MBNL2: variants seen among roughly 807,000 people sequenced by gnomAD.
MBNL2 encodes muscleblind-like protein 2.
In MBNL2, 17 loss-of-function variants were observed where a neutral mutation model predicts 41.9. The observed-to-expected ratio is 0.41, with a 90% confidence interval of 0.28 to 0.61. The LOEUF (loss-of-function observed/expected upper bound fraction) is 0.61, where lower values mean the gene tolerates loss of function less well. Among genes scored for constraint, MBNL2 ranks in the 20% least tolerant of loss-of-function variants. The pLI is 0.35. For synonymous variants in MBNL2, 195 were observed against 182.9 expected, an observed-to-expected ratio of 1.07 and a Z score of -0.53; for missense variants, 336 against 505.6, an observed-to-expected ratio of 0.66 and a Z score of 3.22.
the MBNL2 span, among the ~76,000 whole-genome samples, chr13:97,174,791 C>T: frequency 6.6e-6 from 1 of 152,008 alleles, no homozygotes; most frequent in South Asian, 2.1e-4. Flanking sequence ...CAGAGACTCT[C>T]TAGACTCTGG....
intron 3 of MBNL2, among the ~76,000 whole-genome samples, chr13:97,342,561 T>G (rs1480844345): frequency 2.0e-5 from 3 of 152,196 alleles, no homozygotes; most frequent in African/African-American, 7.2e-5. Flanking sequence ...GTAACCCCAC[T>G]GTTTGAGAAT....
At chr13:97,377,704 G>A (rs549673976) in intron 8 of MBNL2, among the ~76,000 whole-genome samples, 13 of 152,200 alleles carry the variant, frequency 8.5e-5, no homozygotes, top group Non-Finnish European at 1.8e-4. Flanking sequence ...GATTCCTATT[G>A]TTCATATTCT....
the MBNL2 span, among the ~76,000 whole-genome samples, chr13:97,167,568 G>GTAAAATAA: frequency 2.0e-5 from 3 of 151,958 alleles, no homozygotes; most frequent in Admixed American, 2.0e-4. Flanking sequence ...CCTCAAATTG[G>GTAAAATAA]ACTTATCCAT....
At chr13:97,176,875 G>A in the MBNL2 span, among the ~76,000 whole-genome samples, 3 of 151,930 alleles carry the variant, frequency 2.0e-5, no homozygotes, top group Non-Finnish European at 4.4e-5. Context: ...ACCAAACAAC[G>A]TTTTTAGTCT....
At chr13:97,242,930 ACTGAGCAGGG>A (rs1356104597) in intron 1 of MBNL2, among the ~76,000 whole-genome samples, 3 of 152,188 alleles carry the variant, frequency 2.0e-5, no homozygotes, top group Non-Finnish European at 4.4e-5. Flanking sequence ...ATGAAAGCCG[ACTGAGCAGGG>A]CTCCGCACGC....
the MBNL2 span, among the ~76,000 whole-genome samples, chr13:97,157,417 A>G: frequency 7.4e-6 from 1 of 134,644 alleles, no homozygotes; most frequent in Non-Finnish European, 1.6e-5. Context: ...CCTGGCCAGA[A>G]CTTCCAACAC....
intron 2 of MBNL2, among the ~76,000 whole-genome samples, chr13:97,330,322 G>T (rs1221494793): frequency 6.6e-6 from 1 of 152,106 alleles, no homozygotes; most frequent in Non-Finnish European, 1.5e-5. Context: ...GAGGCTCCTA[G>T]CTCCCAGTTC....
chr13:97,376,938 A>C (rs2065016741), intron 8 of MBNL2, among the ~76,000 whole-genome samples: 1 of 152,178 alleles, frequency 6.6e-6, no homozygotes, highest in Admixed American at 6.5e-5. Context: ...GGACCTGATC[A>C]CCCATGTCCT....
intron 2 of MBNL2, among the ~76,000 whole-genome samples, chr13:97,309,707 G>A (rs2058417629): frequency 6.6e-6 from 1 of 152,224 alleles, no homozygotes; most frequent in African/African-American, 2.4e-5. Flanking sequence ...GCCTCTCAGA[G>A]GATGGTAGCA....
the MBNL2 span, among the ~76,000 whole-genome samples, chr13:97,184,094 A>G: frequency 6.6e-6 from 1 of 152,224 alleles, no homozygotes; most frequent in African/African-American, 2.4e-5. Context: ...AAAAATGAGG[A>G]AACTGAGGTT....
the MBNL2 span, among the ~76,000 whole-genome samples, chr13:97,209,995 C>T: frequency 3.7e-3 from 556 of 152,218 alleles, 3 homozygotes; most frequent in African/African-American, 0.013. Flanking sequence ...GGGGTTTCAC[C>T]GTATTGGCCA....
the MBNL2 span, among the ~76,000 whole-genome samples, chr13:97,156,826 T>G: frequency 1.3e-5 from 2 of 152,268 alleles, no homozygotes; most frequent in East Asian, 1.9e-4. Context: ...AAATCAGGTA[T>G]TGTGATGCCT....
chr13:97,322,267 C>T (rs1245317674), intron 2 of MBNL2, among the ~76,000 whole-genome samples: 1 of 152,174 alleles, frequency 6.6e-6, no homozygotes, highest in African/African-American at 2.4e-5. Context: ...CCATGCCCTC[C>T]ATCTTCCCAG....
In MBNL2 at chr13:97,392,355, G is replaced by T. The variant is rs2066406093; in HGVS notation, c.*906G>T. On this transcript the variant is annotated 3_prime_UTR_variant, in exon 9 of 9. Transcript: ENST00000679496. ...GTTTGAGTTTAGTCACTGCAAATTT[G>T]ACTGTGACTTTAATCTAAATTACTA... 1 of 152,506 alleles carries T rather than the reference G, an allele frequency of 6.6e-6. No individual in the cohort carries two copies. The highest frequency in any genetic ancestry group is 6.6e-5 in the Admixed American group (1 of 15,240). 9.4% of individuals were successfully genotyped at this position (152,506 alleles called of 1,614,324 possible).
chr13:97,332,322 A>T (rs2153061268), intron 2 of MBNL2, among the ~76,000 whole-genome samples: 1 of 152,344 alleles, frequency 6.6e-6, no homozygotes, highest in Non-Finnish European at 1.5e-5. Context: ...ATCCTCATGG[A>T]TACCTCACAT....
At chr13:97,252,023 T>G (rs1231791382) in intron 1 of MBNL2, among the ~76,000 whole-genome samples, 2 of 150,208 alleles carry the variant, frequency 1.3e-5, no homozygotes, top group African/African-American at 4.9e-5. Flanking sequence ...GCTAATTTTT[T>G]GTATTTTTAG....
At chr13:97,316,683 T>G (rs542168976) in intron 2 of MBNL2, among the ~76,000 whole-genome samples, 2 of 152,256 alleles carry the variant, frequency 1.3e-5, no homozygotes, top group African/African-American at 4.8e-5. Context: ...CTCCACAAAG[T>G]CTTTGCTGCT....
At chr13:97,237,826 G>A (rs1376109414) in intron 1 of MBNL2, among the ~76,000 whole-genome samples, 1 of 152,186 alleles carries the variant, frequency 6.6e-6, no homozygotes, top group East Asian at 1.9e-4. Flanking sequence ...CAATGCTTTA[G>A]AGAGATAATT....
intron 8 of MBNL2, among the ~76,000 whole-genome samples, chr13:97,373,809 A>C (rs1008161349): frequency 1.3e-5 from 2 of 152,066 alleles, no homozygotes; most frequent in Non-Finnish European, 2.9e-5. Context: ...TTAATTAATA[A>C]ATGCATCTGC....
Sources: gnomAD v4.1 joint callset for allele counts (sites outside exome capture counted in the v4.1 genomes callset) on GRCh38, gnomAD v4.1.1 for gene constraint, MANE v1.5 for transcripts, NCBI Gene and HGNC (gene_info 2026-07-23, HGNC 2026-07-21) for gene names.